Variants in PDE8B observed in about 807,000 individuals in gnomAD.
The protein encoded by PDE8B is phosphodiesterase 8B.
PDE8B carries 26 observed loss-of-function variants against 101.3 expected under a neutral mutation model. The ratio of observed to expected loss-of-function variants is 0.26; its 90% CI spans 0.19 to 0.36. The LOEUF (loss-of-function observed/expected upper bound fraction) is 0.36, where lower values mean the gene tolerates loss of function less well. Among genes scored for constraint, PDE8B ranks in the 10% least tolerant of loss-of-function variants. The probability of loss-of-function intolerance (pLI) is 1.00; values close to 1 mark genes in which losing one functional copy is unlikely to be tolerated. For synonymous variants in PDE8B, 424 were observed against 429.3 expected (o/e 0.99, Z 0.15); for missense variants, 810 against 1,163.1 (o/e 0.70, Z 4.42).
At chr5:77,358,558 ACTCCTT>A in intron 10 of PDE8B, 2 of 354,820 alleles carry the variant, frequency 5.6e-6, no homozygotes, top group Non-Finnish European at 7.9e-6. Context: ...ACTAGTTTTT[ACTCCTT>A]AACACAATAA....
At chr5:77,244,482 G>A (rs182075169) in intron 1 of PDE8B, among the ~76,000 whole-genome samples, 2 of 151,840 alleles carry the variant, frequency 1.3e-5, no homozygotes, top group Admixed American at 6.6e-5. Flanking sequence ...GCAACTTGCA[G>A]TGAAGATGCC....
chr5:77,194,244 T>A, the PDE8B span, among the ~76,000 whole-genome samples: 18 of 152,352 alleles, frequency 1.2e-4, no homozygotes, highest in South Asian at 3.7e-3. Context: ...TGAGGCTTAC[T>A]GTAGGGTTTT....
At chr5:77,165,301 T>A in the PDE8B span, 1 of 152,240 alleles carries the variant, frequency 6.6e-6, no homozygotes, top group African/African-American at 2.4e-5. Context: ...ATAATTTAAT[T>A]TTTAAAAATG....
intron 1 of PDE8B, among the ~76,000 whole-genome samples, chr5:77,296,016 C>T (rs1345073957): frequency 1.3e-5 from 2 of 152,074 alleles, no homozygotes; most frequent in African/African-American, 4.8e-5. Flanking sequence ...GTGGACTAGC[C>T]CAAGTCAAAT....
intron 1 of PDE8B, among the ~76,000 whole-genome samples, chr5:77,242,506 T>C (rs1464937850): frequency 2.0e-5 from 3 of 152,186 alleles, no homozygotes; most frequent in African/African-American, 7.2e-5. Context: ...TGTAAACCAC[T>C]AAAAGAAGCT....
intron 10 of PDE8B, among the ~76,000 whole-genome samples, chr5:77,397,574 T>G (rs1411900119): frequency 6.6e-6 from 1 of 152,152 alleles, no homozygotes; most frequent in Non-Finnish European, 1.5e-5. Context: ...GGCACAGAAC[T>G]TAGACCTAAA....
chr5:77,152,872 G>T, the PDE8B span, among the ~76,000 whole-genome samples: 1 of 152,072 alleles, frequency 6.6e-6, no homozygotes, highest in African/African-American at 2.4e-5. Flanking sequence ...GGCTCTTCCA[G>T]GAGAGAATCT....
intron 1 of PDE8B, among the ~76,000 whole-genome samples, chr5:77,275,050 A>G (rs1763570575): frequency 6.6e-6 from 1 of 152,166 alleles, no homozygotes; most frequent in Non-Finnish European, 1.5e-5. Flanking sequence ...TCACCACTTT[A>G]CACCACATAG....
At chr5:77,248,616 A>T (rs1757445010) in intron 1 of PDE8B, among the ~76,000 whole-genome samples, 1 of 152,314 alleles carries the variant, frequency 6.6e-6, no homozygotes, top group Admixed American at 6.5e-5. Flanking sequence ...CACTAACAAC[A>T]CATCAGATGC....
the PDE8B span, among the ~76,000 whole-genome samples, chr5:77,102,085 C>T: frequency 0.018 from 2,723 of 152,256 alleles, 86 homozygotes; most frequent in African/African-American, 0.06. Flanking sequence ...ATTTGAGGCT[C>T]TTCCCTAAGT....
intron 1 of PDE8B, among the ~76,000 whole-genome samples, chr5:77,247,280 C>A (rs1757139140): frequency 6.6e-6 from 1 of 152,158 alleles, no homozygotes; most frequent in Non-Finnish European, 1.5e-5. Context: ...GCCAGTAGCT[C>A]CCAATGCCAG....
chr5:77,282,605 C>T (rs1490370686), intron 1 of PDE8B, among the ~76,000 whole-genome samples: 3 of 152,020 alleles, frequency 2.0e-5, no homozygotes, highest in African/African-American at 7.2e-5. Context: ...CCCTCTAGAG[C>T]CTCCTATCTG....
intron 1 of PDE8B, among the ~76,000 whole-genome samples, chr5:77,275,796 A>G (rs1035869770): frequency 1.3e-5 from 2 of 152,232 alleles, no homozygotes; most frequent in African/African-American, 4.8e-5. Context: ...GTTGAATTTC[A>G]TTTAAATATC....
chr5:77,115,597 A>G, the PDE8B span, among the ~76,000 whole-genome samples: 1 of 152,206 alleles, frequency 6.6e-6, no homozygotes, highest in African/African-American at 2.4e-5. Context: ...GTACTTTCTG[A>G]ACGTTTGCTT....
intron 1 of PDE8B, chr5:77,291,612 G>A (rs1007046773): frequency 6.3e-7 from 1 of 1,598,022 alleles, no homozygotes; most frequent in African/African-American, 1.3e-5. Context: ...TAAAGGATCA[G>A]ACTGTGGCAC....
chr5:77,196,371 T>A, the PDE8B span, among the ~76,000 whole-genome samples: 1 of 152,200 alleles, frequency 6.6e-6, no homozygotes, highest in East Asian at 1.9e-4. Flanking sequence ...GAAAATTTGT[T>A]CCTGTGTTTT....
At chr5:77,281,750 TC>T (rs1765048831) in intron 1 of PDE8B, among the ~76,000 whole-genome samples, 1 of 152,200 alleles carries the variant, frequency 6.6e-6, no homozygotes. Flanking sequence ...ATTCATAAGT[TC>T]CAGGGATCAG....
At chr5:77,274,111 C>CT (rs1292270624) in intron 1 of PDE8B, among the ~76,000 whole-genome samples, 1 of 152,148 alleles carries the variant, frequency 6.6e-6, no homozygotes, top group East Asian at 1.9e-4. Flanking sequence ...CGTGAACCAT[C>CT]TTGCCCAGCT....
intron 11 of PDE8B, 27 bp downstream of exon 11, chr5:77,400,317 CAT>C (rs1480984842): frequency 1.2e-5 from 17 of 1,429,082 alleles, no homozygotes; most frequent in Non-Finnish European, 1.7e-5. Flanking sequence ...TGAACTCTAA[CAT>C]ACTTAGGAGG....
Sources: gnomAD v4.1 joint callset for allele counts (sites outside exome capture counted in the v4.1 genomes callset) on GRCh38, gnomAD v4.1.1 for gene constraint, MANE v1.5 for transcripts, NCBI Gene and HGNC (gene_info 2026-07-23, HGNC 2026-07-21) for gene names.